DTX4: variants seen among roughly 807,000 people sequenced by gnomAD.
DTX4 encodes E3 ubiquitin-protein ligase DTX4.
DTX4 carries 28 observed loss-of-function variants against 57.6 expected under a neutral mutation model. The observed-to-expected ratio is 0.49, with a 90% CI of 0.36 to 0.67. The LOEUF is 0.67. DTX4 is among the 30% of genes least tolerant of loss of function. The pLI is 0.00. For missense variants in DTX4, 715 were observed against 836.8 expected, an observed-to-expected ratio of 0.85 and a Z score of 1.80; for synonymous variants, 316 against 331.0, an observed-to-expected ratio of 0.95 and a Z score of 0.49.
chr11:59,197,733 G>A (rs1368826898), intron 7 of DTX4, among the ~76,000 whole-genome samples: 1 of 152,172 alleles, frequency 6.6e-6, no homozygotes, highest in African/African-American at 2.4e-5. Flanking sequence ...GGTTGGATAT[G>A]GGGTCAGGTG....
chr11:59,180,630 C>T (rs931906713), intron 1 of DTX4, among the ~76,000 whole-genome samples: 3 of 152,148 alleles, frequency 2.0e-5, no homozygotes, highest in Admixed American at 6.5e-5. Flanking sequence ...GGGCCCTCCC[C>T]GACCTCCCCA....
chr11:59,173,491 C>T (rs1273538155), intron 1 of DTX4, among the ~76,000 whole-genome samples: 1 of 152,134 alleles, frequency 6.6e-6, no homozygotes, highest in Non-Finnish European at 1.5e-5. Flanking sequence ...AGCAACAGGC[C>T]GGAGCAGATG....
At chr11:59,184,292 T>C (rs558842701) in intron 2 of DTX4, among the ~76,000 whole-genome samples, 1 of 152,328 alleles carries the variant, frequency 6.6e-6, no homozygotes, top group African/African-American at 2.4e-5. Flanking sequence ...CTGTCTGGGC[T>C]TGAACCCAAG....
Position 59,204,997 on chromosome 11 carries a change from C to T in DTX4, c.*88C>T, listed in dbSNP as rs1196507819. The T allele has an allele frequency of 8.3e-7, 1 of 1,200,660 alleles. No individual in the cohort carries two copies. The highest frequency in any genetic ancestry group is 2.1e-5 in the Admixed American group (1 of 48,198). 74.4% of individuals were successfully genotyped at this position (1,200,660 alleles called of 1,614,324 possible). On this transcript the variant is annotated 3_prime_UTR_variant, in exon 9 of 9. Coordinates refer to ENST00000227451, the MANE Select transcript of DTX4 (RefSeq NM_015177.2). ...GAGTCAATGTAGAAGAAGTTGGTGT[C>T]CTGCCCTCCCAACTTTCTATCCTCC... is the stretch of plus-strand genomic sequence containing the variant.
At chr11:59,192,945 A>C (rs1175609438) in intron 6 of DTX4, among the ~76,000 whole-genome samples, 1 of 152,162 alleles carries the variant, frequency 6.6e-6, no homozygotes, top group Non-Finnish European at 1.5e-5. Flanking sequence ...GTGTCTGAGC[A>C]TTTCCTAAGT....
At chr11:59,192,810 G>A (rs1862616488) in intron 6 of DTX4, among the ~76,000 whole-genome samples, 1 of 152,126 alleles carries the variant, frequency 6.6e-6, no homozygotes, top group Non-Finnish European at 1.5e-5. Flanking sequence ...TCCCACTGTT[G>A]GAAGAGGGGA....
rs561444932 is a variant in DTX4, at chr11:59,202,936, A to G, written c.1627-1740A>G. Among the ~76,000 whole-genome samples, 9 of 152,350 alleles carry G rather than the reference A, an allele frequency of 5.9e-5. No individual in the cohort carries two copies. In the South Asian group the frequency reaches 1.7e-3, roughly 28 times the overall value. On this transcript the variant is annotated intron_variant, in intron 8 of 8. Coordinates refer to ENST00000227451, the MANE Select transcript of DTX4 (RefSeq NM_015177.2). ...TTGCTTCTAGGCTACAAACCTGTAC[A>G]CCATGTTATTTTATTGAATACTATA...
chr11:59,190,750 G>A (rs553975558), intron 4 of DTX4, among the ~76,000 whole-genome samples: 39 of 152,316 alleles, frequency 2.6e-4, no homozygotes, highest in African/African-American at 9.4e-4. Flanking sequence ...AATGAAGGTG[G>A]TAAGACTGCC....
At position 59,182,078 on chromosome 11, in the gene DTX4, C is replaced by T. The variant is rs1252627836; in HGVS notation, c.551C>T (p.Pro184Leu). The change falls in exon 2 of 9, where the codon CCC becomes CTC. Residue 184 changes from proline (P) to leucine (L), a missense_variant. Pro to Leu is a moderately conservative substitution (Grantham distance 98, BLOSUM62 -3). Transcript: ENST00000227451. ...WPVSPGPATSPPMSPCSCPQC... is the reference protein window; with the variant it reads ...WPVSPGPATSLPMSPCSCPQC... The stretch of plus-strand genomic sequence containing the variant: ...GTCAGCCCTGGGCCAGCCACCTCGC[C>T]CCCCATGTCCCCCTGCTCCTGTCCC... The T allele has an allele frequency of 1.2e-6, 2 of 1,612,450 alleles. No homozygotes were observed. The highest frequency in any genetic ancestry group is 1.7e-6 in the Non-Finnish European group (2 of 1,179,002).
rs1862823441 is a variant in DTX4 at position 59,207,212 on chromosome 11, T to G, written c.*2303T>G. Reference sequence around the variant, plus strand: ...AAGAAGACAGACTTTCAAAATGGAATTAGGCACTGGGGAGAGATCAGTTTC... The same window carrying G: ...AAGAAGACAGACTTTCAAAATGGAAGTAGGCACTGGGGAGAGATCAGTTTC... On this transcript the variant is annotated 3_prime_UTR_variant, in exon 9 of 9. Transcript: ENST00000227451. 1.3e-5 allele frequency: 2 copies of G among 152,142 alleles called. No homozygotes were observed. Among genetic ancestry groups the G allele is most frequent in the African/African-American group, 4.8e-5 (2 of 41,348 alleles). The allele number at this position is 152,142 out of a possible 1,614,324, so 9.4% of individuals were successfully genotyped here.
chr11:59,175,105 T>C (rs1862379226), intron 1 of DTX4, among the ~76,000 whole-genome samples: 1 of 152,198 alleles, frequency 6.6e-6, no homozygotes, highest in Non-Finnish European at 1.5e-5. Context: ...TTCCTCTCAA[T>C]CTCATTGATG....
intron 1 of DTX4, among the ~76,000 whole-genome samples, chr11:59,177,348 T>C (rs1038152555): frequency 6.6e-6 from 1 of 152,202 alleles, no homozygotes; most frequent in Non-Finnish European, 1.5e-5. Flanking sequence ...CAAACCTCAC[T>C]TGGAAAGCAT....
At chr11:59,175,884 G>C (rs1862389464) in intron 1 of DTX4, among the ~76,000 whole-genome samples, 1 of 148,632 alleles carries the variant, frequency 6.7e-6, no homozygotes, top group Non-Finnish European at 1.5e-5. Flanking sequence ...TCTCTAAATG[G>C]TCAGGCCTCA....
chr11:59,171,840 AGAG>A (rs1299009532), upstream of DTX4, among the ~76,000 whole-genome samples: 1 of 151,724 alleles, frequency 6.6e-6, no homozygotes, highest in Non-Finnish European at 1.5e-5. Flanking sequence ...GGAAAAAAAA[AGAG>A]AGAGAGAGAG....
At position 59,189,202 on chromosome 11, in the gene DTX4, G is replaced by A; in HGVS notation, c.1038G>A (p.Val346=). ...TCATGAGTGCAGCGGGGCTGCCTGT[G>A]TGTCTCACCAGGCCACCAAAGCTGG... ...GILMSAAGLP[V]CLTRPPKLVL... is the part of the protein sequence containing the mutation. The change falls in exon 4 of 9, where the codon GTG becomes GTA. Residue 346 remains valine, a synonymous_variant. Coordinates refer to ENST00000227451, the MANE Select transcript of DTX4 (RefSeq NM_015177.2). The A allele has an allele frequency of 1.9e-6, 3 of 1,613,750 alleles. No individual in the cohort carries two copies. Among genetic ancestry groups the A allele is most frequent in the Non-Finnish European group, 2.5e-6 (3 of 1,179,836 alleles).
chr11:59,197,616 G>A (rs998778507), intron 7 of DTX4, among the ~76,000 whole-genome samples: 12 of 152,136 alleles, frequency 7.9e-5, no homozygotes, highest in South Asian at 2.1e-4. Context: ...CAAAAGAGTC[G>A]GGGATGGCCA....
chr11:59,190,784 G>C (rs1467172288), intron 4 of DTX4, among the ~76,000 whole-genome samples: 2 of 152,228 alleles, frequency 1.3e-5, no homozygotes, highest in Non-Finnish European at 2.9e-5. Context: ...ACGTGTAACA[G>C]TTTGCAAAGT....
At position 59,182,204 on chromosome 11, in the gene DTX4, T is replaced by C; in HGVS notation, c.677T>C (p.Val226Ala). Residue 226 changes from valine to alanine, a missense_variant, in exon 2 of 9, where the codon GTG becomes GCG. Val to Ala is a moderately conservative substitution (Grantham distance 64, BLOSUM62 0). Transcript: ENST00000227451. Reference protein sequence around the residue: ...VTRKNMPPPGVVKLPPLPGSG... With the variant: ...VTRKNMPPPGAVKLPPLPGSG... ...CGCAAGAACATGCCGCCTCCTGGAG[T>C]GGTCAAGCTACCCCCACTGCCAGGC... is the stretch of plus-strand genomic sequence containing the variant. The C allele has an allele frequency of 6.2e-7, 1 of 1,609,600 alleles. No individual in the cohort carries two copies. Among genetic ancestry groups the C allele is most frequent in the Non-Finnish European group, 8.5e-7 (1 of 1,177,746 alleles).
At chr11:59,195,597 CT>C (rs1862656445) in intron 7 of DTX4, among the ~76,000 whole-genome samples, 1 of 152,144 alleles carries the variant, frequency 6.6e-6, no homozygotes, top group Non-Finnish European at 1.5e-5. Flanking sequence ...CGCATCCACC[CT>C]TCCCTTTTTT....
Sources: gnomAD v4.1 joint callset for allele counts (sites outside exome capture counted in the v4.1 genomes callset) on GRCh38, gnomAD v4.1.1 for gene constraint, MANE v1.5 for transcripts, NCBI Gene and HGNC (gene_info 2026-07-23, HGNC 2026-07-21) for gene names.